PIR: variants seen among roughly 807,000 people sequenced by gnomAD.
PIR encodes the protein pirin (iron-binding nuclear protein).
In PIR, 22 loss-of-function variants were observed where a neutral mutation model predicts 24.2. The observed-to-expected ratio is 0.91, with a 90% CI of 0.65 to 1.30. PIR has a LOEUF of 1.30. Ranked by LOEUF, PIR falls within the 50% of genes most tolerant of loss-of-function variation. The probability of loss-of-function intolerance (pLI) is 0.00; values close to 1 mark genes in which losing one functional copy is unlikely to be tolerated. For missense variants in PIR, 220 were observed against 220.3 expected, an observed-to-expected ratio of 1.00 and a Z score of 0.01; for synonymous variants, 80 against 79.6, an observed-to-expected ratio of 1.00 and a Z score of -0.03.
chrX:15,456,688 T>C (rs1281231021), intron 4 of PIR, among the ~76,000 whole-genome samples: 1 of 112,450 alleles, frequency 8.9e-6, no homozygotes, highest in African/African-American at 3.2e-5. Flanking sequence ...TTCCCAGACA[T>C]TGGAGGATAA....
At chrX:15,423,486 C>T (rs1925204697) in intron 6 of PIR, among the ~76,000 whole-genome samples, 1 of 111,076 alleles carries the variant, frequency 9.0e-6, no homozygotes, top group African/African-American at 3.3e-5. Flanking sequence ...CGTGGTGGCA[C>T]ACACCTGTAA....
chrX:15,422,977 G>A (rs1925186837), intron 6 of PIR, among the ~76,000 whole-genome samples: 1 of 111,602 alleles, frequency 9.0e-6, no homozygotes, highest in South Asian at 3.7e-4. Flanking sequence ...CAGACACATG[G>A]ATCAATGGAA....
chrX:15,419,343 C>CTGTGTGTGTG (rs34664851), intron 6 of PIR, among the ~76,000 whole-genome samples: 46 of 78,290 alleles, frequency 5.9e-4, no homozygotes, highest in South Asian at 1.6e-3. Flanking sequence ...ATGGATAAGT[C>CTGTGTGTGTG]TGTGTGTGTG....
chrX:15,429,979 T>C (rs1381916040), intron 5 of PIR: 1 of 112,290 alleles, frequency 8.9e-6, no homozygotes, highest in Non-Finnish European at 1.9e-5. Flanking sequence ...ATTAGGCACA[T>C]TGTTTCCTGT....
chrX:15,438,178 T>C (rs1925807951), intron 5 of PIR, among the ~76,000 whole-genome samples: 1 of 112,537 alleles, frequency 8.9e-6, no homozygotes. Flanking sequence ...TGACCAGATC[T>C]GCTGAAAGGC....
At chrX:15,408,753 G>T (rs1924630026) in intron 6 of PIR, among the ~76,000 whole-genome samples, 1 of 111,901 alleles carries the variant, frequency 8.9e-6, no homozygotes, top group South Asian at 3.7e-4. Context: ...GAAGGACAGA[G>T]CCCACACTGG....
chrX:15,491,078 G>A, intron 2 of PIR, 84 bp downstream of exon 2: 1 of 659,486 alleles, frequency 1.5e-6, no homozygotes, highest in Non-Finnish European at 2.4e-6. Context: ...CGACTATCTT[G>A]GCCCCCTCTT....
intron 6 of PIR, among the ~76,000 whole-genome samples, chrX:15,420,773 G>A (rs234494): frequency 0.19 from 21,467 of 110,365 alleles, 1,850 homozygotes; most frequent in East Asian, 0.51. Context: ...GGAGTTCGAG[G>A]TTGCAGTGAG....
At chrX:15,442,497 A>G (rs2147048272) in intron 5 of PIR, among the ~76,000 whole-genome samples, 1 of 111,782 alleles carries the variant, frequency 8.9e-6, no homozygotes, top group East Asian at 2.8e-4. Context: ...AAAAAGCTAG[A>G]AATGATTAAG....
At chrX:15,424,921 C>T (rs916157780) in intron 6 of PIR, among the ~76,000 whole-genome samples, 1 of 110,403 alleles carries the variant, frequency 9.1e-6, no homozygotes, top group Non-Finnish European at 1.9e-5. Context: ...ATCACTTAAG[C>T]CCAGGAGTTC....
intron 8 of PIR, among the ~76,000 whole-genome samples, chrX:15,390,651 T>C (rs1240074546): frequency 6.3e-5 from 7 of 111,572 alleles, no homozygotes; most frequent in African/African-American, 2.3e-4. Context: ...TTGTTACTTT[T>C]GAAAATTATT....
chrX:15,435,008 C>T (rs1368014213), intron 5 of PIR, among the ~76,000 whole-genome samples: 1 of 110,901 alleles, frequency 9.0e-6, no homozygotes, highest in Non-Finnish European at 1.9e-5. Context: ...GTCAGGAGTT[C>T]GAGACCAGCC....
At chrX:15,482,362 T>C (rs1922554030) in intron 2 of PIR, among the ~76,000 whole-genome samples, 1 of 111,979 alleles carries the variant, frequency 8.9e-6, no homozygotes, top group Non-Finnish European at 1.9e-5. Flanking sequence ...TAAAGTTTTA[T>C]TGGTAATCTG....
chrX:15,436,780 A>T (rs1925763653), intron 5 of PIR, among the ~76,000 whole-genome samples: 1 of 112,653 alleles, frequency 8.9e-6, no homozygotes, highest in East Asian at 2.8e-4. Context: ...CGGGAAACTC[A>T]TTGGCAAAGA....
chrX:15,412,262 C>A (rs73449351), intron 6 of PIR, among the ~76,000 whole-genome samples: 8,392 of 111,698 alleles, frequency 0.075, 773 homozygotes, highest in African/African-American at 0.25. Context: ...TCATTTGAAA[C>A]AGTTCCTCAG....
chrX:15,468,832 G>A (rs935693474), intron 3 of PIR, among the ~76,000 whole-genome samples: 2 of 112,619 alleles, frequency 1.8e-5, no homozygotes, highest in African/African-American at 3.2e-5. Flanking sequence ...CATAACAATT[G>A]TAAAGATAGT....
intron 3 of PIR, among the ~76,000 whole-genome samples, chrX:15,475,038 T>G (rs1285622267): frequency 3.7e-5 from 4 of 108,993 alleles, no homozygotes; most frequent in Non-Finnish European, 5.7e-5. Flanking sequence ...ATGTTGAATT[T>G]AATCAAGTTT....
chrX:15,408,031 C>G (rs1188889932), intron 6 of PIR, among the ~76,000 whole-genome samples: 3 of 111,567 alleles, frequency 2.7e-5, no homozygotes, highest in African/African-American at 9.8e-5. Flanking sequence ...ACTGCAACCT[C>G]TGCCTCCCAG....
intron 6 of PIR, among the ~76,000 whole-genome samples, chrX:15,419,422 G>C (rs1243179746): frequency 1.7e-4 from 18 of 108,520 alleles, no homozygotes; most frequent in African/African-American, 6.0e-4. Flanking sequence ...GGGAGAGAGA[G>C]AGAGAGATAC....
Sources: allele counts gnomAD v4.1 joint callset (sites outside exome capture counted in the v4.1 genomes callset), GRCh38; gene constraint gnomAD v4.1.1; transcripts MANE v1.5; gene names NCBI Gene and HGNC (gene_info 2026-07-23, HGNC 2026-07-21).